The following ABTB3 variants were observed in gnomAD, a reference collection of about 807,000 sequenced individuals.
The protein encoded by ABTB3 is ankyrin repeat- and BTB/POZ domain-containing protein 3.
chr12:107,321,560 T>C, the ABTB3 span, among the ~76,000 whole-genome samples: 6 of 151,772 alleles, frequency 4.0e-5, no homozygotes, highest in South Asian at 6.2e-4. Context: ...CCCCGTCTGC[T>C]GCCAGCCAGG....
chr12:107,510,451 G>A, the ABTB3 span, among the ~76,000 whole-genome samples: 1 of 151,900 alleles, frequency 6.6e-6, no homozygotes, highest in Non-Finnish European at 1.5e-5. Context: ...CCCACACAGG[G>A]AAGTAAACCT....
chr12:107,334,804 G>A, the ABTB3 span, among the ~76,000 whole-genome samples: 1 of 152,190 alleles, frequency 6.6e-6, no homozygotes, highest in South Asian at 2.1e-4. Flanking sequence ...AGAGGAGGCT[G>A]AGAAGGAGCA....
At chr12:107,403,947 G>A in the ABTB3 span, among the ~76,000 whole-genome samples, 2 of 152,114 alleles carry the variant, frequency 1.3e-5, no homozygotes, top group Non-Finnish European at 2.9e-5. Context: ...TGGATCACCT[G>A]AGGTCAGGAG....
chr12:107,408,177 A>G, the ABTB3 span, among the ~76,000 whole-genome samples: 3 of 152,160 alleles, frequency 2.0e-5, no homozygotes, highest in Non-Finnish European at 2.9e-5. Context: ...TGTGGCCGAG[A>G]TTTTCTGAGA....
At chr12:107,640,511 G>A in the ABTB3 span, 3 of 694,054 alleles carry the variant, frequency 4.3e-6, no homozygotes, top group Non-Finnish European at 7.2e-6. Flanking sequence ...TCGCCGGACT[G>A]GCTGGTCATC....
the ABTB3 span, among the ~76,000 whole-genome samples, chr12:107,541,845 C>T: frequency 1.3e-5 from 2 of 151,956 alleles, no homozygotes; most frequent in Admixed American, 6.6e-5. Context: ...ATAATCTGTA[C>T]ACCACACTCC....
chr12:107,369,600 T>C, the ABTB3 span, among the ~76,000 whole-genome samples: 1 of 151,666 alleles, frequency 6.6e-6, no homozygotes, highest in Non-Finnish European at 1.5e-5. Context: ...GATTTCACCA[T>C]GTTGGTCAGG....
chr12:107,575,242 A>G, the ABTB3 span, among the ~76,000 whole-genome samples: 1 of 152,246 alleles, frequency 6.6e-6, no homozygotes, highest in South Asian at 2.1e-4. Flanking sequence ...CTATTTGTAA[A>G]GAAAAGGCAG....
At chr12:107,349,101 A>T in the ABTB3 span, among the ~76,000 whole-genome samples, 3 of 152,210 alleles carry the variant, frequency 2.0e-5, no homozygotes, top group Non-Finnish European at 4.4e-5. Flanking sequence ...CTACTCACTC[A>T]TAGCCAAAGA....
chr12:107,538,870 G>A, the ABTB3 span, among the ~76,000 whole-genome samples: 1 of 152,154 alleles, frequency 6.6e-6, no homozygotes, highest in Non-Finnish European at 1.5e-5. Context: ...CAGACTTTGG[G>A]AGATGTTTGG....
At chr12:107,448,813 C>A in the ABTB3 span, among the ~76,000 whole-genome samples, 2 of 151,956 alleles carry the variant, frequency 1.3e-5, no homozygotes, top group African/African-American at 4.8e-5. Context: ...TCAGGTGGTC[C>A]GCCCGCCTCG....
At chr12:107,400,107 T>C in the ABTB3 span, among the ~76,000 whole-genome samples, 1 of 152,236 alleles carries the variant, frequency 6.6e-6, no homozygotes, top group Admixed American at 6.5e-5. Context: ...TTTGGGTTGG[T>C]TCCAAGTCTT....
At chr12:107,581,407 C>G in the ABTB3 span, 1 of 1,008,146 alleles carries the variant, frequency 9.9e-7, no homozygotes, top group East Asian at 4.0e-5. Flanking sequence ...GAGCCCCGCA[C>G]ACCTCGGCGG....
At chr12:107,563,404 C>T in the ABTB3 span, among the ~76,000 whole-genome samples, 1 of 152,152 alleles carries the variant, frequency 6.6e-6, no homozygotes, top group African/African-American at 2.4e-5. Context: ...ACATGGTAAG[C>T]TTCTGCTCTT....
chr12:107,533,127 GA>G, the ABTB3 span, among the ~76,000 whole-genome samples: 1 of 151,976 alleles, frequency 6.6e-6, no homozygotes, highest in African/African-American at 2.4e-5. Flanking sequence ...ATGAGAAACA[GA>G]GATGAATCAA....
At chr12:107,601,996 GTGGGCTTAAC>G in the ABTB3 span, among the ~76,000 whole-genome samples, 1 of 152,184 alleles carries the variant, frequency 6.6e-6, no homozygotes, top group African/African-American at 2.4e-5. Context: ...ATCCTCAGGG[GTGGGCTTAAC>G]AGAGTTACAC....
chr12:107,641,370 G>A, the ABTB3 span, among the ~76,000 whole-genome samples: 2 of 152,178 alleles, frequency 1.3e-5, no homozygotes, highest in Non-Finnish European at 2.9e-5. Flanking sequence ...GGGAAGCTGG[G>A]TGAGGGGTAA....
the ABTB3 span, chr12:107,580,665 G>A: frequency 1.9e-6 from 1 of 529,268 alleles, no homozygotes; most frequent in East Asian, 4.0e-5. Flanking sequence ...GCTCCAGAAA[G>A]ACGACAGGGA....
chr12:107,552,702 A>G, the ABTB3 span, among the ~76,000 whole-genome samples: 1 of 152,174 alleles, frequency 6.6e-6, no homozygotes, highest in Non-Finnish European at 1.5e-5. Context: ...AGTCACGAGC[A>G]CATTTCTAGA....
Sources: allele counts gnomAD v4.1 joint callset (sites outside exome capture counted in the v4.1 genomes callset), GRCh38; gene constraint gnomAD v4.1.1; transcripts MANE v1.5; gene names NCBI Gene and HGNC (gene_info 2026-07-23, HGNC 2026-07-21).